Variants in THRB observed in about 807,000 individuals in gnomAD.
The protein encoded by THRB is thyroid hormone receptor beta.
In THRB, 12 loss-of-function variants were observed where a neutral mutation model predicts 47.8. That is an observed-to-expected ratio of 0.25 (90% confidence interval 0.16 to 0.41). THRB has a LOEUF of 0.41. Ranked by LOEUF, THRB falls within the 10% of genes least tolerant of loss-of-function variation. The pLI is 1.00. For missense variants in THRB, 348 were observed against 589.2 expected (o/e 0.59, Z 4.24); for synonymous variants, 218 against 212.2 (o/e 1.03, Z -0.24).
rs182477362 is a variant in THRB, at chr3:24,211,499, C to T, written c.22+17439G>A. 2.2e-4 allele frequency among the ~76,000 whole-genome samples: 34 copies of T among 152,264 alleles called. 1 individual carries two copies. The highest frequency in any genetic ancestry group is 3.4e-3 in the Middle Eastern group (1 of 294). On this transcript the variant is annotated intron_variant, in intron 4 of 10. Coordinates refer to ENST00000646209, the MANE Select transcript of THRB (RefSeq NM_001354712.2). Reference sequence around the variant, plus strand: ...TTAGGTATTCAAAATGTCCTGTCACCGTAAACCTCAGGCTGTCTTCTCTCT... The same window carrying T: ...TTAGGTATTCAAAATGTCCTGTCACTGTAAACCTCAGGCTGTCTTCTCTCT...
chr3:24,297,581 T>C (rs1250740321), intron 2 of THRB, among the ~76,000 whole-genome samples: 16 of 152,218 alleles, frequency 1.1e-4, no homozygotes, highest in Admixed American at 1.0e-3. Flanking sequence ...TTACGTGGCA[T>C]CCACAGGCCA....
At chr3:24,324,777 T>G (rs1013863322) in intron 2 of THRB, among the ~76,000 whole-genome samples, 4 of 152,188 alleles carry the variant, frequency 2.6e-5, no homozygotes, top group Non-Finnish European at 5.9e-5. Flanking sequence ...CCATGTAATC[T>G]GTTGGTTGCT....
chr3:24,285,287 A>G (rs1024843139), intron 3 of THRB, among the ~76,000 whole-genome samples: 2 of 152,034 alleles, frequency 1.3e-5, no homozygotes, highest in Non-Finnish European at 2.9e-5. Flanking sequence ...TTGTAGGGAC[A>G]TGGATGAAAT....
At chr3:24,223,544 TTAGA>T (rs2047363849) in intron 4 of THRB, among the ~76,000 whole-genome samples, 1 of 152,032 alleles carries the variant, frequency 6.6e-6, no homozygotes, top group African/African-American at 2.4e-5. Context: ...GAAATAAAAA[TTAGA>T]TAGAGATGGA....
At chr3:24,459,348 T>C (rs981956739) in intron 1 of THRB, 1 of 152,262 alleles carries the variant, frequency 6.6e-6, no homozygotes, top group African/African-American at 2.4e-5. Flanking sequence ...CACATTTTCT[T>C]TATCCACTCT....
chr3:24,282,704 A>G (rs2054748631), intron 3 of THRB, among the ~76,000 whole-genome samples: 1 of 149,200 alleles, frequency 6.7e-6, no homozygotes, highest in Non-Finnish European at 1.5e-5. Context: ...TAATAAAGAA[A>G]AAAAGAGAGA....
chr3:24,132,507 T>G (rs1240583982), intron 9 of THRB, among the ~76,000 whole-genome samples: 1 of 152,176 alleles, frequency 6.6e-6, no homozygotes, highest in Admixed American at 6.5e-5. Context: ...CTCTAAGAGG[T>G]AGACATTATT....
intron 8 of THRB, among the ~76,000 whole-genome samples, chr3:24,137,076 A>G (rs913926593): frequency 2.0e-5 from 3 of 152,346 alleles, no homozygotes; most frequent in Non-Finnish European, 4.4e-5. Flanking sequence ...GCCCATGACT[A>G]TGAGTCATAT....
chr3:24,259,618 A>AC (rs1176294554), intron 3 of THRB, among the ~76,000 whole-genome samples: 11 of 74,944 alleles, frequency 1.5e-4, no homozygotes, highest in African/African-American at 5.3e-4. Context: ...AGCTCTGCTT[A>AC]CCTTTTTTTT....
At chr3:24,251,978 C>A (rs2050714877) in intron 3 of THRB, among the ~76,000 whole-genome samples, 2 of 151,980 alleles carry the variant, frequency 1.3e-5, no homozygotes, top group South Asian at 2.1e-4. Context: ...TGGAATATTT[C>A]TAGGAAAGCA....
intron 5 of THRB, among the ~76,000 whole-genome samples, chr3:24,179,172 T>C (rs1426817115): frequency 6.6e-6 from 1 of 152,194 alleles, no homozygotes; most frequent in Non-Finnish European, 1.5e-5. Flanking sequence ...AAGTCCTCTC[T>C]CCAGCTCTGG....
At chr3:24,356,679 C>T (rs934624449) in intron 1 of THRB, among the ~76,000 whole-genome samples, 1 of 151,274 alleles carries the variant, frequency 6.6e-6, no homozygotes, top group Admixed American at 6.6e-5. Context: ...CACTTCCATG[C>T]TTTCAGGTAT....
At chr3:24,450,904 C>T (rs2072584652) in intron 1 of THRB, among the ~76,000 whole-genome samples, 1 of 152,126 alleles carries the variant, frequency 6.6e-6, no homozygotes, top group African/African-American at 2.4e-5. Context: ...CAGAATCCTT[C>T]ATAAATGTGC....
At chr3:24,488,557 CTT>C (rs34346213) in intron 1 of THRB, among the ~76,000 whole-genome samples, 5 of 145,836 alleles carry the variant, frequency 3.4e-5, no homozygotes, top group Non-Finnish European at 3.0e-5. Context: ...AATTTGCCTT[CTT>C]TTTTTTTTTT....
At chr3:24,466,775 A>G (rs1350591647) in intron 1 of THRB, among the ~76,000 whole-genome samples, 2 of 152,202 alleles carry the variant, frequency 1.3e-5, no homozygotes, top group Non-Finnish European at 1.5e-5. Context: ...AAAAATGCTA[A>G]TGATTATCTG....
At chr3:24,428,393 A>G (rs1374938178) in intron 1 of THRB, among the ~76,000 whole-genome samples, 2 of 152,034 alleles carry the variant, frequency 1.3e-5, no homozygotes, top group Non-Finnish European at 2.9e-5. Context: ...TTGTGCACAG[A>G]GCTCATATGT....
intron 1 of THRB, among the ~76,000 whole-genome samples, chr3:24,488,872 A>C (rs1430070154): frequency 6.6e-6 from 1 of 152,206 alleles, no homozygotes; most frequent in Non-Finnish European, 1.5e-5. Context: ...AAGTTCCTTT[A>C]AATTATTTTG....
At chr3:24,340,482 T>C (rs949166393) in intron 1 of THRB, among the ~76,000 whole-genome samples, 1 of 146,904 alleles carries the variant, frequency 6.8e-6, no homozygotes, top group Admixed American at 6.9e-5. Context: ...ATTGTATTAG[T>C]GGCCTTTTTT....
At chr3:24,318,544 T>C (rs138899736) in intron 2 of THRB, 1 of 152,328 alleles carries the variant, frequency 6.6e-6, no homozygotes, top group African/African-American at 2.4e-5. Flanking sequence ...TGCATGACAA[T>C]TAGTATGTTC....
Sources: gnomAD v4.1 joint callset for allele counts (sites outside exome capture counted in the v4.1 genomes callset) on GRCh38, gnomAD v4.1.1 for gene constraint, MANE v1.5 for transcripts, NCBI Gene and HGNC (gene_info 2026-07-23, HGNC 2026-07-21) for gene names.